The following TRPC5 variants were observed in gnomAD, a reference collection of about 807,000 sequenced individuals.
TRPC5 encodes the protein short transient receptor potential channel 5.
A neutral mutation model predicts 56.5 loss-of-function variants in TRPC5; 9 were observed. The ratio of observed to expected loss-of-function variants is 0.16; its 90% CI spans 0.10 to 0.28. The LOEUF is 0.28. Among genes scored for constraint, TRPC5 ranks in the 10% least tolerant of loss-of-function variants. The pLI is 1.00. For synonymous variants in TRPC5, 282 were observed against 278.5 expected, an observed-to-expected ratio of 1.01 and a Z score of -0.13; for missense variants, 469 against 748.9, an observed-to-expected ratio of 0.63 and a Z score of 4.36.
At chrX:111,814,673 A>G (rs915629100) in intron 7 of TRPC5, among the ~76,000 whole-genome samples, 1 of 109,952 alleles carries the variant, frequency 9.1e-6, no homozygotes, top group Non-Finnish European at 1.9e-5. Context: ...GCAGTAGTCT[A>G]GTGGGCAGCC....
At chrX:112,075,112 G>T (rs1322710845) in intron 1 of TRPC5, among the ~76,000 whole-genome samples, 1 of 112,221 alleles carries the variant, frequency 8.9e-6, no homozygotes, top group Non-Finnish European at 1.9e-5. Context: ...TAGACTAAAA[G>T]CTACTAAAAA....
In TRPC5 at chrX:111,905,242, A is replaced by G. The variant is rs1018485790; in HGVS notation, c.900+7049T>C. ...TAATAGACTAGATGTACTTAGTGAT[A>G]CCTCTTGGGAATACTGCTTATATTT... On this transcript the variant is annotated intron_variant, in intron 3 of 10. Coordinates refer to ENST00000262839, the MANE Select transcript of TRPC5 (RefSeq NM_012471.3). 1.8e-5 allele frequency among the ~76,000 whole-genome samples: 2 copies of G among 109,827 alleles called. 1 individual carries two copies. The highest frequency in any genetic ancestry group is 2.0e-4 in the Admixed American group (2 of 10,198).
Position 112,007,637 on chromosome X carries a change from C to T in TRPC5, c.-21-55196G>A, listed in dbSNP as rs73637369. On this transcript the variant is annotated intron_variant, in intron 1 of 10. Transcript: ENST00000262839. ...CCGGCATAACAGAGTCATTCATTAC[C>T]TTGACTTCTAGTCTCCCCTATATTC... 6.8e-3 allele frequency among the ~76,000 whole-genome samples: 760 copies of T among 111,437 alleles called. 5 individuals are homozygous for T. Among genetic ancestry groups the T allele is most frequent in the African/African-American group, 0.024 (731 of 30,636 alleles).
intron 7 of TRPC5, among the ~76,000 whole-genome samples, chrX:111,827,049 G>T (rs1474987484): frequency 2.7e-5 from 3 of 111,488 alleles, no homozygotes; most frequent in Non-Finnish European, 3.8e-5. Flanking sequence ...GGGTCTTGGG[G>T]TTAGACTACC....
chrX:112,017,945 G>C (rs1299493068), intron 1 of TRPC5, among the ~76,000 whole-genome samples: 4 of 112,247 alleles, frequency 3.6e-5, no homozygotes, highest in Non-Finnish European at 7.5e-5. Context: ...ATACAGACCA[G>C]ATTTTGAAGA....
At chrX:112,018,087 A>G (rs969602477) in intron 1 of TRPC5, among the ~76,000 whole-genome samples, 2 of 112,566 alleles carry the variant, frequency 1.8e-5, no homozygotes, top group East Asian at 2.8e-4. Context: ...TTTTATTGAC[A>G]TCTTTGAAGG....
At chrX:112,005,757 G>C (rs1040077648) in intron 1 of TRPC5, among the ~76,000 whole-genome samples, 1 of 111,637 alleles carries the variant, frequency 9.0e-6, no homozygotes, top group Admixed American at 9.5e-5. Flanking sequence ...TCTTTATATA[G>C]GGTGAGCCAC....
At chrX:112,035,912 A>C (rs1404289228) in intron 1 of TRPC5, among the ~76,000 whole-genome samples, 1 of 109,644 alleles carries the variant, frequency 9.1e-6, no homozygotes, top group African/African-American at 3.3e-5. Context: ...TACAGGCGTG[A>C]GCTATCGCGC....
intron 2 of TRPC5, among the ~76,000 whole-genome samples, chrX:111,946,338 T>C (rs999610014): frequency 9.0e-6 from 1 of 111,129 alleles, no homozygotes; most frequent in African/African-American, 3.2e-5. Flanking sequence ...AGTGGGTTCA[T>C]TTCTGTAAGT....
chrX:112,038,883 A>G (rs1194511719), intron 1 of TRPC5, among the ~76,000 whole-genome samples: 1 of 95,976 alleles, frequency 1.0e-5, no homozygotes, highest in Non-Finnish European at 2.1e-5. Context: ...GTAGAGATGG[A>G]GTTTCACCGT....
At chrX:111,830,612 G>T (rs1041820102) in intron 7 of TRPC5, among the ~76,000 whole-genome samples, 1 of 111,475 alleles carries the variant, frequency 9.0e-6, no homozygotes, top group Non-Finnish European at 1.9e-5. Context: ...GTTCTCATGA[G>T]ATCTGACAGT....
intron 7 of TRPC5, among the ~76,000 whole-genome samples, chrX:111,801,118 T>G (rs1921295409): frequency 8.9e-6 from 1 of 112,420 alleles, no homozygotes; most frequent in Admixed American, 9.4e-5. Flanking sequence ...TTTATCTGTT[T>G]TGAACATTTC....
intron 1 of TRPC5, among the ~76,000 whole-genome samples, chrX:112,005,961 A>AG (rs1022565647): frequency 9.0e-6 from 1 of 111,221 alleles, no homozygotes; most frequent in Non-Finnish European, 1.9e-5. Flanking sequence ...AGATCTTGGC[A>AG]GGGGGAAGGT....
At chrX:111,944,762 G>A (rs1603111409) in intron 2 of TRPC5, among the ~76,000 whole-genome samples, 1 of 111,453 alleles carries the variant, frequency 9.0e-6, no homozygotes, top group East Asian at 2.8e-4. Flanking sequence ...GGCAGAGATT[G>A]TAGTGATGCG....
At chrX:112,012,631 T>C (rs929252925) in intron 1 of TRPC5, among the ~76,000 whole-genome samples, 1 of 111,307 alleles carries the variant, frequency 9.0e-6, no homozygotes, top group African/African-American at 3.3e-5. Flanking sequence ...GTCTGTGGCT[T>C]AGAGATGCTA....
chrX:111,800,191 G>GC (rs1479743427), intron 7 of TRPC5, among the ~76,000 whole-genome samples: 1 of 111,040 alleles, frequency 9.0e-6, no homozygotes, highest in Non-Finnish European at 1.9e-5. Context: ...AGCAAGATCA[G>GC]CCACTCCTCT....
chrX:111,987,795 C>T (rs1375651571), intron 1 of TRPC5, among the ~76,000 whole-genome samples: 1 of 112,305 alleles, frequency 8.9e-6, no homozygotes. Flanking sequence ...CAAGAGGAGC[C>T]CCCTCTTACT....
At chrX:112,021,307 T>A (rs1360368934) in intron 1 of TRPC5, among the ~76,000 whole-genome samples, 1 of 111,584 alleles carries the variant, frequency 9.0e-6, no homozygotes, top group African/African-American at 3.3e-5. Flanking sequence ...ACAGTAAGTA[T>A]AGTAGGCAAG....
chrX:112,003,151 C>T (rs113200099), intron 1 of TRPC5, among the ~76,000 whole-genome samples: 9,761 of 111,458 alleles, frequency 0.088, 647 homozygotes, highest in African/African-American at 0.24. Flanking sequence ...CAAAAACAGA[C>T]GTGATGCTTG....
Sources: allele counts gnomAD v4.1 joint callset (sites outside exome capture counted in the v4.1 genomes callset), GRCh38; gene constraint gnomAD v4.1.1; transcripts MANE v1.5; gene names NCBI Gene and HGNC (gene_info 2026-07-23, HGNC 2026-07-21).